TENM4: variants seen among roughly 807,000 people sequenced by gnomAD.
The protein encoded by TENM4 is teneurin transmembrane protein 4.
A neutral mutation model predicts 243.3 loss-of-function variants in TENM4; 82 were observed. That is an observed-to-expected ratio of 0.34 (90% confidence interval 0.28 to 0.40). The LOEUF is 0.40. Ranked by LOEUF, TENM4 falls within the 10% of genes least tolerant of loss-of-function variation. TENM4 has a pLI of 1.00. For missense variants in TENM4, 3,138 were observed against 3,673.3 expected, an observed-to-expected ratio of 0.85 and a Z score of 3.77; for synonymous variants, 1,412 against 1,456.3, an observed-to-expected ratio of 0.97 and a Z score of 0.69.
At chr11:78,978,249 T>C (rs1260329938) in intron 6 of TENM4, among the ~76,000 whole-genome samples, 1 of 151,998 alleles carries the variant, frequency 6.6e-6, no homozygotes. Flanking sequence ...AAATACCTAA[T>C]GTAGATGACA....
chr11:78,978,757 G>C (rs796718663), intron 6 of TENM4, among the ~76,000 whole-genome samples: 21 of 152,264 alleles, frequency 1.4e-4, no homozygotes, highest in African/African-American at 4.6e-4. Context: ...AGAGAAAAGA[G>C]TTCATACTTT....
chr11:78,990,472 G>A (rs1200169728), intron 6 of TENM4, among the ~76,000 whole-genome samples: 8 of 152,096 alleles, frequency 5.3e-5, no homozygotes, highest in East Asian at 1.9e-4. Context: ...AGAAAACCCC[G>A]GGGCACCCTA....
At chr11:78,658,912 C>T (rs1338417467) in intron 33 of TENM4, 96 bp from the exon 34 acceptor site, 2 of 1,388,024 alleles carry the variant, frequency 1.4e-6, no homozygotes, top group Non-Finnish European at 9.8e-7. Context: ...CAAAACCACA[C>T]ATATTTATTA....
intron 17 of TENM4, among the ~76,000 whole-genome samples, chr11:78,775,728 G>A (rs1856728253): frequency 6.6e-6 from 1 of 152,164 alleles, no homozygotes; most frequent in Non-Finnish European, 1.5e-5. Flanking sequence ...CAGCCCACGT[G>A]ACATTAATAA....
chr11:78,797,569 A>T (rs1377641764), intron 15 of TENM4, among the ~76,000 whole-genome samples: 1 of 152,218 alleles, frequency 6.6e-6, no homozygotes, highest in Non-Finnish European at 1.5e-5. Flanking sequence ...CTCTTGGTTT[A>T]TCAACCTTTA....
At chr11:79,250,592 A>T (rs1480858178) in intron 2 of TENM4, among the ~76,000 whole-genome samples, 4 of 152,202 alleles carry the variant, frequency 2.6e-5, no homozygotes, top group Admixed American at 1.3e-4. Context: ...TGCTATTCTA[A>T]TGGAGGATGC....
intron 3 of TENM4, among the ~76,000 whole-genome samples, chr11:79,157,178 T>C (rs942183107): frequency 6.6e-6 from 1 of 152,068 alleles, no homozygotes; most frequent in Non-Finnish European, 1.5e-5. Flanking sequence ...CTATACGACA[T>C]TAGTTGGTCA....
intron 6 of TENM4, among the ~76,000 whole-genome samples, chr11:78,918,322 G>C (rs1236311134): frequency 5.9e-5 from 9 of 152,054 alleles, no homozygotes; most frequent in Admixed American, 5.2e-4. Context: ...AGGCACAAAC[G>C]ACGCTAACTT....
At chr11:79,360,704 G>A (rs923843593) in intron 1 of TENM4, among the ~76,000 whole-genome samples, 2 of 152,112 alleles carry the variant, frequency 1.3e-5, no homozygotes, top group African/African-American at 2.4e-5. Context: ...CAATTCTCTC[G>A]AGACTTTATT....
At chr11:78,980,725 T>C (rs1257756996) in intron 6 of TENM4, among the ~76,000 whole-genome samples, 1 of 152,180 alleles carries the variant, frequency 6.6e-6, no homozygotes, top group Non-Finnish European at 1.5e-5. Context: ...CTCAGTTACT[T>C]TACTTATAGA....
chr11:79,362,644 A>G (rs908392236), intron 1 of TENM4, among the ~76,000 whole-genome samples: 2 of 152,204 alleles, frequency 1.3e-5, no homozygotes, highest in Non-Finnish European at 2.9e-5. Context: ...GAGACAGTAC[A>G]GCGCAGAGGC....
intron 6 of TENM4, among the ~76,000 whole-genome samples, chr11:78,931,635 C>T (rs1244166580): frequency 1.3e-5 from 2 of 152,098 alleles, no homozygotes; most frequent in East Asian, 1.9e-4. Flanking sequence ...TTATTGTTTC[C>T]GTGATAGAGT....
At chr11:78,666,986 G>GT (rs1555058084) in intron 32 of TENM4, among the ~76,000 whole-genome samples, 5 of 151,982 alleles carry the variant, frequency 3.3e-5, no homozygotes, top group East Asian at 1.9e-4. Flanking sequence ...ATTGCACCAT[G>GT]TTTTTTTTCA....
rs73500633 is a variant in TENM4 at position 78,893,180 on chromosome 11, G to A, written c.750-1844C>T. Among the ~76,000 whole-genome samples, 799 of 152,338 alleles carry A rather than the reference G, an allele frequency of 5.2e-3. 7 individuals carry two copies. Among genetic ancestry groups the A allele is most frequent in the African/African-American group, 0.019 (770 of 41,572 alleles). On this transcript the variant is annotated intron_variant, in intron 7 of 33. Transcript: ENST00000278550. ...CTAAAGTCTTCCCCAGTGCCTGGGAGGAGCTTCAGAGGTGTGGACATCCCT... is the reference window on the plus strand; with the variant it reads ...CTAAAGTCTTCCCCAGTGCCTGGGAAGAGCTTCAGAGGTGTGGACATCCCT...
At chr11:79,042,543 C>G (rs60270923) in intron 6 of TENM4, among the ~76,000 whole-genome samples, 2 of 152,206 alleles carry the variant, frequency 1.3e-5, no homozygotes, top group Non-Finnish European at 1.5e-5. Context: ...AGGGCAAGCC[C>G]TCACCAGAAA....
intron 6 of TENM4, among the ~76,000 whole-genome samples, chr11:79,044,104 C>A (rs912671347): frequency 1.3e-5 from 2 of 152,182 alleles, no homozygotes; most frequent in Non-Finnish European, 2.9e-5. Context: ...GCTCTCCCAA[C>A]CCCATCAGAT....
intron 2 of TENM4, among the ~76,000 whole-genome samples, chr11:79,245,271 C>T (rs1291387727): frequency 6.6e-6 from 1 of 152,208 alleles, no homozygotes; most frequent in African/African-American, 2.4e-5. Context: ...CCCTATCTTT[C>T]TTCTCATACT....
At chr11:78,786,401 C>T (rs1565378445) in intron 16 of TENM4, among the ~76,000 whole-genome samples, 1 of 152,226 alleles carries the variant, frequency 6.6e-6, no homozygotes, top group Non-Finnish European at 1.5e-5. Flanking sequence ...GAGCTAAGCC[C>T]CAGCCATCCC....
At chr11:78,854,628 GC>G (rs1409472798) in intron 11 of TENM4, among the ~76,000 whole-genome samples, 4 of 152,090 alleles carry the variant, frequency 2.6e-5, no homozygotes, top group Admixed American at 2.0e-4. Context: ...GGACAACCAT[GC>G]TTTTTTGCAA....
Sources: gnomAD v4.1 joint callset for allele counts (sites outside exome capture counted in the v4.1 genomes callset) on GRCh38, gnomAD v4.1.1 for gene constraint, MANE v1.5 for transcripts, NCBI Gene and HGNC (gene_info 2026-07-23, HGNC 2026-07-21) for gene names.